CTNNAL1: variants seen among roughly 807,000 people sequenced by gnomAD.
The protein encoded by CTNNAL1 is alpha-catulin.
Under a neutral mutation model 93.6 loss-of-function variants are expected in CTNNAL1, and 69 were observed. That is an observed-to-expected ratio of 0.74 (90% CI 0.61 to 0.90). The LOEUF (loss-of-function observed/expected upper bound fraction) is 0.90, where lower values mean the gene tolerates loss of function less well. Ranked by LOEUF, CTNNAL1 falls within the 40% of genes least tolerant of loss-of-function variation. The probability of loss-of-function intolerance (pLI) is 0.00; values close to 1 mark genes in which losing one functional copy is unlikely to be tolerated. For synonymous variants in CTNNAL1, 286 were observed against 305.4 expected, an observed-to-expected ratio of 0.94 and a Z score of 0.66; for missense variants, 836 against 862.0, an observed-to-expected ratio of 0.97 and a Z score of 0.38.
intron 2 of CTNNAL1, among the ~76,000 whole-genome samples, chr9:108,995,767 A>G (rs1831993617): frequency 6.6e-6 from 1 of 152,174 alleles, no homozygotes; most frequent in Non-Finnish European, 1.5e-5. Context: ...AATAATAACA[A>G]CTAATATTTA....
rs1827283465 is a variant in CTNNAL1 at position 109,013,468 on chromosome 9, G to A, written c.-26C>T. 3 of 1,350,384 alleles carry A rather than the reference G, an allele frequency of 2.2e-6. No homozygotes were observed. Among genetic ancestry groups the A allele is most frequent in the Non-Finnish European group, 2.9e-6 (3 of 1,044,908 alleles). 83.7% of individuals were successfully genotyped at this position (1,350,384 alleles called of 1,614,324 possible). A position where few individuals can be genotyped will look rare whatever the true frequency, so the allele number is the denominator to read the frequency against. On this transcript the variant is annotated 5_prime_UTR_variant, in exon 1 of 19. Coordinates refer to ENST00000325551, the MANE Select transcript of CTNNAL1 (RefSeq NM_003798.4). ...GGCCCTCGGTCTATCCCGCAGCCGG[G>A]ACTCCGCGCCGCGGCGAGCCTGCCG... is the stretch of plus-strand genomic sequence containing the variant.
chr9:109,002,478 C>T (rs1222131958), intron 1 of CTNNAL1, among the ~76,000 whole-genome samples: 1 of 152,104 alleles, frequency 6.6e-6, no homozygotes, highest in Non-Finnish European at 1.5e-5. Flanking sequence ...AAAGGGGTTC[C>T]TTGTTATGTG....
chr9:108,968,625 G>C (rs562798237), intron 10 of CTNNAL1, among the ~76,000 whole-genome samples: 1 of 152,336 alleles, frequency 6.6e-6, no homozygotes, highest in East Asian at 1.9e-4. Flanking sequence ...TTGTAATAAA[G>C]TGTTCAGCAG....
intron 10 of CTNNAL1, among the ~76,000 whole-genome samples, chr9:108,969,830 T>C (rs1231646766): frequency 1.3e-5 from 2 of 152,070 alleles, no homozygotes; most frequent in Non-Finnish European, 2.9e-5. Flanking sequence ...TTTTTGTTTG[T>C]TTGTTTTTAT....
At chr9:108,983,610 T>C (rs1047349727) in intron 5 of CTNNAL1, among the ~76,000 whole-genome samples, 12 of 152,232 alleles carry the variant, frequency 7.9e-5, no homozygotes, top group Admixed American at 5.9e-4. Context: ...CTATTTTAAA[T>C]GTTGCCTTAC....
At position 108,977,062 on chromosome 9, in the gene CTNNAL1, A is replaced by G; in HGVS notation, c.1102-14T>C. The G allele has an allele frequency of 7.6e-7, 1 of 1,317,722 alleles. No individual in the cohort carries two copies. 81.6% of individuals were successfully genotyped at this position (1,317,722 alleles called of 1,614,324 possible). The stretch of plus-strand genomic sequence containing the variant: ...TTTCTTGCTTTGCTAAAAATTTTAA[A>G]AAGTATACATGTAATGTTACCGCAT... On this transcript the variant is annotated splice_polypyrimidine_tract_variant and intron_variant, in intron 7 of 18. Transcript: ENST00000325551.
At chr9:108,961,413 C>T (rs1830818247) in intron 11 of CTNNAL1, among the ~76,000 whole-genome samples, 1 of 152,132 alleles carries the variant, frequency 6.6e-6, no homozygotes, top group South Asian at 2.1e-4. Context: ...CAAATAAAGG[C>T]AGTACACACA....
At chr9:109,003,285 T>A (rs1826907319) in intron 1 of CTNNAL1, among the ~76,000 whole-genome samples, 1 of 152,206 alleles carries the variant, frequency 6.6e-6, no homozygotes, top group African/African-American at 2.4e-5. Flanking sequence ...TTTTGTCTAG[T>A]AGAATGAATT....
intron 8 of CTNNAL1, among the ~76,000 whole-genome samples, 196 bp from the exon 9 acceptor site, chr9:108,973,029 A>C (rs1170077254): frequency 6.6e-6 from 1 of 152,178 alleles, no homozygotes; most frequent in African/African-American, 2.4e-5. Context: ...TAACAGTAGG[A>C]GTTGTGTAGC....
chr9:108,967,394 A>G (rs1432822827), intron 10 of CTNNAL1, among the ~76,000 whole-genome samples: 1 of 152,052 alleles, frequency 6.6e-6, no homozygotes, highest in Non-Finnish European at 1.5e-5. Context: ...TCACACACAC[A>G]TGTATACAAC....
intron 2 of CTNNAL1, among the ~76,000 whole-genome samples, chr9:108,997,682 C>T (rs1014031040): frequency 6.6e-6 from 1 of 152,170 alleles, no homozygotes; most frequent in Non-Finnish European, 1.5e-5. Flanking sequence ...GATGGCACCA[C>T]CATTTGCCTA....
At chr9:108,967,516 C>G (rs1204266340) in intron 10 of CTNNAL1, among the ~76,000 whole-genome samples, 1 of 152,034 alleles carries the variant, frequency 6.6e-6, no homozygotes. Flanking sequence ...CTTCATGGGA[C>G]TCACATTATA....
intron 12 of CTNNAL1, among the ~76,000 whole-genome samples, chr9:108,953,422 C>A (rs1382413914): frequency 1.3e-5 from 2 of 152,112 alleles, no homozygotes; most frequent in Non-Finnish European, 2.9e-5. Flanking sequence ...AAAAGGGGGC[C>A]AACTTTTTAC....
intron 1 of CTNNAL1, among the ~76,000 whole-genome samples, chr9:109,012,495 C>G (rs906837441): frequency 6.6e-6 from 1 of 152,150 alleles, no homozygotes; most frequent in Non-Finnish European, 1.5e-5. Flanking sequence ...TACCACAGAC[C>G]TAAGTGAGGA....
At chr9:108,974,809 A>AC (rs1831214076) in intron 8 of CTNNAL1, among the ~76,000 whole-genome samples, 1 of 152,060 alleles carries the variant, frequency 6.6e-6, no homozygotes, top group Admixed American at 6.6e-5. Flanking sequence ...AGAAAGTGAG[A>AC]CCCCATCTCA....
chr9:109,001,202 A>G (rs766586090), intron 1 of CTNNAL1, among the ~76,000 whole-genome samples: 264 of 150,006 alleles, frequency 1.8e-3, no homozygotes, highest in Non-Finnish European at 3.1e-3. Flanking sequence ...AAGAACTTAT[A>G]TTTTATTCTA....
At chr9:108,944,599 AAAG>A (rs1830346357) in intron 15 of CTNNAL1, among the ~76,000 whole-genome samples, 2 of 152,224 alleles carry the variant, frequency 1.3e-5, no homozygotes, top group African/African-American at 4.8e-5. Flanking sequence ...GTAGAGTGAA[AAAG>A]AAGGTTGTAC....
At chr9:108,945,428 T>G (rs1191959738) in intron 15 of CTNNAL1, among the ~76,000 whole-genome samples, 1 of 152,080 alleles carries the variant, frequency 6.6e-6, no homozygotes, top group Non-Finnish European at 1.5e-5. Context: ...TATTTTGTTT[T>G]TTTTTACTGT....
intron 8 of CTNNAL1, 31 bp from the exon 9 acceptor site, chr9:108,972,864 G>GGCGCCCCCCCCC: frequency 3.5e-5 from 5 of 142,568 alleles, no homozygotes; most frequent in Non-Finnish European, 3.0e-5. Context: ...GGGGGGGTGG[G>GGCGCCCCCCCCC]AGGGTGGAGA....
Sources: gnomAD v4.1 joint callset for allele counts (sites outside exome capture counted in the v4.1 genomes callset) on GRCh38, gnomAD v4.1.1 for gene constraint, MANE v1.5 for transcripts, NCBI Gene and HGNC (gene_info 2026-07-23, HGNC 2026-07-21) for gene names.